Variants in CACNA1D observed in about 807,000 individuals in gnomAD.
CACNA1D encodes calcium voltage-gated channel subunit alpha1 D.
In CACNA1D, 55 loss-of-function variants were observed where a neutral mutation model predicts 257.1. The observed-to-expected ratio is 0.21, with a 90% CI of 0.17 to 0.27. CACNA1D has a LOEUF of 0.27. CACNA1D is among the 10% of genes least tolerant of loss of function. The pLI, the probability that CACNA1D is intolerant of heterozygous loss-of-function variation, is 1.00. For synonymous variants in CACNA1D, 980 were observed against 1,014.9 expected (o/e 0.97, Z 0.65); for missense variants, 1,876 against 2,784.0 (o/e 0.67, Z 7.34).
At position 53,675,599 on chromosome 3, in the gene CACNA1D, A is replaced by G. The variant is rs2094367504; in HGVS notation, c.1220+2473A>G. Among the ~76,000 whole-genome samples, 2 of 152,196 alleles carry G rather than the reference A, an allele frequency of 1.3e-5. 1 individual carries two copies. The highest frequency in any genetic ancestry group is 4.1e-4 in the South Asian group (2 of 4,826). ...GCCAGATCGTGAGGTGCTTAAAAAA[A>G]GAAAAGAGAAAAAGATGGGCGGGGG... On this transcript the variant is annotated intron_variant, in intron 8 of 47. Transcript: ENST00000350061.
chr3:53,770,945 T>G (rs902212321), intron 32 of CACNA1D, among the ~76,000 whole-genome samples: 6 of 152,236 alleles, frequency 3.9e-5, no homozygotes, highest in Admixed American at 1.3e-4. Context: ...ACAACAGTGC[T>G]GTGTCTGTTG....
Position 53,650,860 on chromosome 3 carries a change from C to T in CACNA1D, c.565C>T (p.Pro189Ser). The T allele has an allele frequency of 6.2e-7, 1 of 1,609,278 alleles. No individual in the cohort carries two copies. The highest frequency in any genetic ancestry group is 8.5e-7 in the Non-Finnish European group (1 of 1,175,696). ...TATAGCGTATGGATTATTGCTACAT[C>T]CTAATGCTTATGTTAGGAATGGATG... ...KIIAYGLLLH[P>S]NAYVRNGWNL... The change falls in exon 4 of 48, where the codon CCT becomes TCT. Residue 189 changes from proline to serine, a missense_variant. This residue lies in a region of CACNA1D where 188 missense variants were observed against 390.4 expected (regional missense o/e 0.48). Coordinates refer to ENST00000350061, the MANE Select transcript of CACNA1D (RefSeq NM_001128840.3).
intron 26 of CACNA1D, among the ~76,000 whole-genome samples, chr3:53,748,885 C>G (rs536984247): frequency 2.6e-5 from 4 of 152,234 alleles, no homozygotes; most frequent in East Asian, 3.9e-4. Flanking sequence ...GGGGAAGCAC[C>G]CTTAGTTCTT....
chr3:53,656,321 A>G (rs1220299610), intron 4 of CACNA1D, among the ~76,000 whole-genome samples: 1 of 152,126 alleles, frequency 6.6e-6, no homozygotes, highest in Non-Finnish European at 1.5e-5. Flanking sequence ...GAAGAATGTC[A>G]TTGGTGGTTT....
chr3:53,780,233 T>A, intron 38 of CACNA1D, 105 bp downstream of exon 38: 1 of 908,474 alleles, frequency 1.1e-6, no homozygotes, highest in Non-Finnish European at 1.8e-6. Flanking sequence ...GGGGAGGCCC[T>A]GGGGAAGGGG....
intron 29 of CACNA1D, among the ~76,000 whole-genome samples, chr3:53,755,711 G>A (rs1054178685): frequency 5.9e-5 from 9 of 152,070 alleles, no homozygotes; most frequent in African/African-American, 1.7e-4. Context: ...CGTTCCCCCC[G>A]GCCAGGGGAG....
intron 18 of CACNA1D, 23 bp downstream of exon 18, chr3:53,732,105 C>T (rs371803505): frequency 2.8e-5 from 44 of 1,587,706 alleles, no homozygotes; most frequent in East Asian, 1.8e-4. Context: ...AGGCCGGAGA[C>T]GCTGGCTTTG....
intron 3 of CACNA1D, among the ~76,000 whole-genome samples, chr3:53,646,322 T>C (rs1007504878): frequency 4.6e-5 from 7 of 152,204 alleles, no homozygotes; most frequent in Non-Finnish European, 8.8e-5. Context: ...GTTTGACTCT[T>C]TATTTCAGGC....
At chr3:53,656,034 G>C (rs1449886658) in intron 4 of CACNA1D, among the ~76,000 whole-genome samples, 1 of 152,158 alleles carries the variant, frequency 6.6e-6, no homozygotes, top group Non-Finnish European at 1.5e-5. Context: ...ATTGAATAGG[G>C]AGTCCTTTCC....
chr3:53,593,974 A>G (rs1375915940), intron 3 of CACNA1D, among the ~76,000 whole-genome samples: 2 of 152,204 alleles, frequency 1.3e-5, no homozygotes, highest in Non-Finnish European at 2.9e-5. Context: ...TAGAAGGTGG[A>G]AAAAGAGAAA....
At chr3:53,691,735 TATATTACATATATAATATA>T (rs2094522901) in intron 8 of CACNA1D, among the ~76,000 whole-genome samples, 1 of 86,210 alleles carries the variant, frequency 1.2e-5, no homozygotes, top group South Asian at 3.2e-4. Context: ...ATATAATATA[TATATTACATATATAATATA>T]TATTACATAT....
chr3:53,611,563 A>G (rs1392877529), intron 3 of CACNA1D, among the ~76,000 whole-genome samples: 1 of 151,966 alleles, frequency 6.6e-6, no homozygotes, highest in African/African-American at 2.4e-5. Flanking sequence ...TATGTGGGTT[A>G]TAGTCTTTAT....
At chr3:53,683,023 A>G (rs1268992292) in intron 8 of CACNA1D, among the ~76,000 whole-genome samples, 2 of 152,216 alleles carry the variant, frequency 1.3e-5, no homozygotes, top group Non-Finnish European at 2.9e-5. Flanking sequence ...CCAGCAGAGA[A>G]CGATGGTCTA....
At chr3:53,557,436 G>A (rs377718917) in intron 3 of CACNA1D, among the ~76,000 whole-genome samples, 91 of 152,200 alleles carry the variant, frequency 6.0e-4, no homozygotes, top group African/African-American at 2.1e-3. Flanking sequence ...GGAGGTTGCA[G>A]TGAGCCGAGA....
chr3:53,753,284 C>T (rs1355652238), intron 28 of CACNA1D, among the ~76,000 whole-genome samples: 2 of 152,226 alleles, frequency 1.3e-5, no homozygotes, highest in African/African-American at 4.8e-5. Flanking sequence ...GGTCAAGGCC[C>T]TCAACATAAA....
rs376662408 is a variant in CACNA1D, at chr3:53,749,476, G to T, written c.3516+7G>T. On this transcript the variant is annotated splice_region_variant and intron_variant, in intron 27 of 47. Transcript: ENST00000350061. ...TGAGCTGGACAAAAATCAGGTTAAAGTCACACACTGTTTTGGCTTCTGTCC... is the reference window on the plus strand; with the variant it reads ...TGAGCTGGACAAAAATCAGGTTAAATTCACACACTGTTTTGGCTTCTGTCC... 1.9e-6 allele frequency: 3 copies of T among 1,599,600 alleles called. No individual in the cohort carries two copies. In the East Asian group the frequency reaches 6.7e-5, roughly 36 times the overall value.
intron 47 of CACNA1D, among the ~76,000 whole-genome samples, chr3:53,810,732 TG>T (rs1324932513): frequency 8.5e-6 from 1 of 117,768 alleles, no homozygotes; most frequent in Non-Finnish European, 1.6e-5. Context: ...CACTCCAGCC[TG>T]GGCCACAGAG....
At chr3:53,583,735 G>A (rs1203480512) in intron 3 of CACNA1D, among the ~76,000 whole-genome samples, 2 of 152,190 alleles carry the variant, frequency 1.3e-5, no homozygotes, top group Non-Finnish European at 2.9e-5. Context: ...AGCTGCCTTG[G>A]CATTTTGTTA....
chr3:53,610,622 G>T (rs1433684842), intron 3 of CACNA1D, among the ~76,000 whole-genome samples: 1 of 152,160 alleles, frequency 6.6e-6, no homozygotes, highest in African/African-American at 2.4e-5. Context: ...CAGTTGAAGT[G>T]TTTGTGTCAT....
Sources: gnomAD v4.1 joint callset for allele counts (sites outside exome capture counted in the v4.1 genomes callset) on GRCh38, gnomAD v4.1.1 for gene constraint, gnomAD v4.1.1 regional missense constraint, MANE v1.5 for transcripts, NCBI Gene and HGNC (gene_info 2026-07-23, HGNC 2026-07-21) for gene names.